NET1: variants seen among roughly 807,000 people sequenced by gnomAD.
NET1 encodes the protein neuroepithelial cell transforming 1.
NET1 carries 42 observed loss-of-function variants against 61.1 expected under a neutral mutation model. The ratio of observed to expected loss-of-function variants is 0.69; its 90% CI spans 0.54 to 0.89. The LOEUF (loss-of-function observed/expected upper bound fraction) is 0.89. Among genes scored for constraint, NET1 ranks in the 40% least tolerant of loss-of-function variants. NET1 has a pLI of 0.00. For synonymous variants in NET1, 254 were observed against 281.8 expected (o/e 0.90, Z 0.99); for missense variants, 654 against 747.3 (o/e 0.88, Z 1.46).
chr10:5,452,765 T>G lies in NET1; in HGVS notation c.532-93T>G. Reference sequence around the variant, plus strand: ...TTTCAGACTGAGTTACTTTTTAAAATGCCGTTCAAAACATCAAATAATGTA... The same window carrying G: ...TTTCAGACTGAGTTACTTTTTAAAAGGCCGTTCAAAACATCAAATAATGTA... On this transcript the variant is annotated intron_variant, in intron 5 of 11. Coordinates refer to ENST00000355029, the MANE Select transcript of NET1 (RefSeq NM_001047160.3). This position sits in a 1 kb window ranked among gnomAD's most constrained non-coding sequence, Gnocchi z 4.0. 1 of 1,192,852 alleles carries G rather than the reference T, an allele frequency of 8.4e-7. No individual in the cohort carries two copies. The highest frequency in any genetic ancestry group is 2.2e-5 in the Admixed American group (1 of 45,874). The allele number at this position is 1,192,852 out of a possible 1,614,324, so 73.9% of individuals were successfully genotyped here. A position where few individuals can be genotyped will look rare whatever the true frequency, so the allele number is the denominator to read the frequency against.
chr10:5,419,915 G>GT (rs1448191912), intron 1 of NET1, among the ~76,000 whole-genome samples: 10 of 151,924 alleles, frequency 6.6e-5, no homozygotes, highest in African/African-American at 9.7e-5. Context: ...AATAACAAGT[G>GT]TTTTTTTCTC....
chr10:5,437,668 AT>A lies in NET1; in HGVS notation c.255+8450del, dbSNP rs11294583. Among the ~76,000 whole-genome samples, 41,495 of 149,902 alleles carry A rather than the reference AT, an allele frequency of 0.28. 5,851 individuals are homozygous for A. The highest frequency in any genetic ancestry group is 0.29 in the Non-Finnish European group (19,614 of 67,350). On this transcript the variant is annotated intron_variant, in intron 3 of 11. Coordinates refer to ENST00000355029, the MANE Select transcript of NET1 (RefSeq NM_001047160.3). This position sits in a 1 kb window ranked among gnomAD's most constrained non-coding sequence, Gnocchi z 4.3. ...TTTTCAACTCTGTATTTTCCCTAGTATTTTTTTTTTTAACCAACTATTGGGA... is the reference window on the plus strand; with the variant it reads ...TTTTCAACTCTGTATTTTCCCTAGTATTTTTTTTTTAACCAACTATTGGGA...
chr10:5,426,605 T>C lies in NET1; in HGVS notation c.129-50T>C. On this transcript the variant is annotated intron_variant, in intron 1 of 11. Transcript: ENST00000355029. This position sits in a 1 kb window ranked among gnomAD's most constrained non-coding sequence, Gnocchi z 4.6. ...AGCTTTTTATCTGTTTGATGCTCTA[T>C]TATGCTAAAGTCAATCTCTTTATTT... is the stretch of plus-strand genomic sequence containing the variant. The C allele has an allele frequency of 7.0e-7, 1 of 1,424,636 alleles. No homozygotes were observed. The allele number at this position is 1,424,636 out of a possible 1,614,324, so 88.2% of individuals were successfully genotyped here.
chr10:5,448,163 T>C (rs906779640), intron 3 of NET1, among the ~76,000 whole-genome samples: 2 of 152,234 alleles, frequency 1.3e-5, no homozygotes, highest in South Asian at 2.1e-4. Flanking sequence ...CCCAAAGGAA[T>C]AGACCCAGGT....
rs1307735705 is a variant in NET1, at chr10:5,421,580, G to T, written c.129-5075G>T. On this transcript the variant is annotated intron_variant, in intron 1 of 11. Transcript: ENST00000355029. The surrounding 1 kb of genome is among the most constrained non-coding windows in gnomAD (Gnocchi z 4.2). ...TAGTAGTAGTTGCCAAAAATAAAAGGCATGCTCACAGAAGCTTGTAAGGCC... is the reference window on the plus strand; with the variant it reads ...TAGTAGTAGTTGCCAAAAATAAAAGTCATGCTCACAGAAGCTTGTAAGGCC... 6.6e-6 allele frequency among the ~76,000 whole-genome samples: 1 copy of T among 152,154 alleles called. No individual in the cohort carries two copies. The highest frequency in any genetic ancestry group is 6.5e-5 in the Admixed American group (1 of 15,268).
At position 5,451,768 on chromosome 10, in the gene NET1, A is replaced by G. The variant is rs1020892714; in HGVS notation, c.256-62A>G. 1.8e-5 allele frequency: 24 copies of G among 1,351,156 alleles called. No individual in the cohort carries two copies. The highest frequency in any genetic ancestry group is 1.8e-4 in the Middle Eastern group (1 of 5,488). 83.7% of individuals were successfully genotyped at this position (1,351,156 alleles called of 1,614,324 possible). A position where few individuals can be genotyped will look rare whatever the true frequency, so the allele number is the denominator to read the frequency against. On this transcript the variant is annotated intron_variant, in intron 3 of 11. Transcript: ENST00000355029. The surrounding 1 kb of genome is among the most constrained non-coding windows in gnomAD (Gnocchi z 6.1). ...TTTGTGAGAGGGCTTTACTTTGTCC[A>G]AGTTTGTATGAAATCATTGCACCTA...
chr10:5,431,725 A>C lies in NET1; in HGVS notation c.255+2496A>C, dbSNP rs1832353455. ...TTTTTTTTTCTCCTTAGTATTATGA[A>C]CTCATGCATATAAATACTTGTTTTA... On this transcript the variant is annotated intron_variant, in intron 3 of 11. Coordinates refer to ENST00000355029, the MANE Select transcript of NET1 (RefSeq NM_001047160.3). The surrounding 1 kb of genome is among the most constrained non-coding windows in gnomAD (Gnocchi z 4.9). Among the ~76,000 whole-genome samples, 1 of 151,308 alleles carries C rather than the reference A, an allele frequency of 6.6e-6. No individual in the cohort carries two copies. The highest frequency in any genetic ancestry group is 1.5e-5 in the Non-Finnish European group (1 of 67,792).
chr10:5,447,721 G>C lies in NET1; in HGVS notation c.256-4109G>C, dbSNP rs2119205307. On this transcript the variant is annotated intron_variant, in intron 3 of 11. Coordinates refer to ENST00000355029, the MANE Select transcript of NET1 (RefSeq NM_001047160.3). This position sits in a 1 kb window ranked among gnomAD's most constrained non-coding sequence, Gnocchi z 4.1. ...CACACACCTTTTGGTAGTTAAAATA[G>C]CTGCCGTCTTCAGGAAGTACACTTT... 6.6e-6 allele frequency among the ~76,000 whole-genome samples: 1 copy of C among 152,312 alleles called. No individual in the cohort carries two copies. Among genetic ancestry groups the C allele is most frequent in the Non-Finnish European group, 1.5e-5 (1 of 68,030 alleles).
chr10:5,429,255 A>G, intron 3 of NET1, 26 bp downstream of exon 3: 1 of 1,499,846 alleles, frequency 6.7e-7, no homozygotes, highest in Non-Finnish European at 9.2e-7. Flanking sequence ...CTGTTAAAGA[A>G]AAGCATTTAA....
chr10:5,453,476 C>G lies in NET1; in HGVS notation c.692-8C>G. The G allele has an allele frequency of 6.2e-7, 1 of 1,613,820 alleles. No homozygotes were observed. Among genetic ancestry groups the G allele is most frequent in the Non-Finnish European group, 8.5e-7 (1 of 1,179,754 alleles). On this transcript the variant is annotated splice_polypyrimidine_tract_variant and splice_region_variant and intron_variant, in intron 7 of 11. Coordinates refer to ENST00000355029, the MANE Select transcript of NET1 (RefSeq NM_001047160.3). The surrounding 1 kb of genome is among the most constrained non-coding windows in gnomAD (Gnocchi z 4.9). Reference sequence around the variant, plus strand: ...GTTAATGGTGTTTATGCTTTTTTATCACTTCAGATTTGTTGACAAGAATAG... The same window carrying G: ...GTTAATGGTGTTTATGCTTTTTTATGACTTCAGATTTGTTGACAAGAATAG...
chr10:5,442,914 C>A (rs952135192), intron 3 of NET1, among the ~76,000 whole-genome samples: 4 of 151,346 alleles, frequency 2.6e-5, no homozygotes, highest in Admixed American at 6.6e-5. Flanking sequence ...AAAAACTCTT[C>A]TAAACTTACA....
chr10:5,456,624 C>T lies in NET1; in HGVS notation c.1421C>T (p.Ser474Phe). Residue 474 changes from serine (S) to phenylalanine (F), a missense_variant, in exon 12 of 12, where the codon TCT (serine) becomes TTT (phenylalanine). Transcript: ENST00000355029. The surrounding 1 kb of genome is among the most constrained non-coding windows in gnomAD (Gnocchi z 7.0). ...NIFRIRFHDP[S>F]PAQSHTLQAN... ...TTTAGAATTCGCTTCCATGACCCCT[C>T]TCCAGCCCAGTCTCACACTCTGCAA... 2.5e-6 allele frequency: 4 copies of T among 1,572,056 alleles called. No homozygotes were observed. The highest frequency in any genetic ancestry group is 3.4e-6 in the Non-Finnish European group (4 of 1,160,100).
intron 3 of NET1, among the ~76,000 whole-genome samples, chr10:5,430,783 GT>G (rs1189063691): frequency 6.6e-6 from 1 of 151,262 alleles, no homozygotes; most frequent in African/African-American, 2.4e-5. Context: ...TTTTTGTGGG[GT>G]TTTTTGTTTG....
In NET1 at chr10:5,451,604, A is replaced by G. The variant is rs1384847659; in HGVS notation, c.256-226A>G. Among the ~76,000 whole-genome samples the G allele has an allele frequency of 6.6e-6, 1 of 151,436 alleles. No individual in the cohort carries two copies. The highest frequency in any genetic ancestry group is 2.4e-5 in the African/African-American group (1 of 41,194). ...TGTTTGAATTTTAATTTTTTCCCCT[A>G]TTGGAAATATTTGACTGGCCTTTCT... is the stretch of plus-strand genomic sequence containing the variant. On this transcript the variant is annotated intron_variant, in intron 3 of 11. Coordinates refer to ENST00000355029, the MANE Select transcript of NET1 (RefSeq NM_001047160.3). This position sits in a 1 kb window ranked among gnomAD's most constrained non-coding sequence, Gnocchi z 6.1.
chr10:5,456,109 A>G lies in NET1; in HGVS notation c.1220A>G (p.Gln407Arg), dbSNP rs746108427. 3.7e-6 allele frequency: 6 copies of G among 1,612,374 alleles called. No individual in the cohort carries two copies. In the African/African-American group the frequency reaches 6.7e-5, roughly 18 times the overall value. ...CAGAAACTTTACATTTTCCTGTTTC[A>G]AGACATCTTGGTTCTGACTCGGCCC... The part of the protein sequence containing the change: ...SGHKLYIFLF[Q>R]DILVLTRPVT... Residue 407 changes from glutamine to arginine, a missense_variant, in exon 11 of 12, where the codon CAA (glutamine) becomes CGA (arginine). Gln to Arg is a conservative substitution (Grantham distance 43, BLOSUM62 1). Coordinates refer to ENST00000355029, the MANE Select transcript of NET1 (RefSeq NM_001047160.3). The surrounding 1 kb of genome is among the most constrained non-coding windows in gnomAD (Gnocchi z 7.0).
In NET1 at chr10:5,451,684, G is replaced by T; in HGVS notation, c.256-146G>T. The stretch of plus-strand genomic sequence containing the variant: ...TACTCAATAGAGTTCTTATTGTTTT[G>T]ACAATGAAGAACAACTCTTACTTTC... On this transcript the variant is annotated intron_variant, in intron 3 of 11. Coordinates refer to ENST00000355029, the MANE Select transcript of NET1 (RefSeq NM_001047160.3). This position sits in a 1 kb window ranked among gnomAD's most constrained non-coding sequence, Gnocchi z 6.1. The T allele has an allele frequency of 1.9e-6, 1 of 531,212 alleles. No homozygotes were observed. 32.9% of individuals were successfully genotyped at this position (531,212 alleles called of 1,614,324 possible).
At position 5,417,132 on chromosome 10, in the gene NET1, G is replaced by T. The variant is rs538360752; in HGVS notation, c.128+4312G>T. Among the ~76,000 whole-genome samples the T allele has an allele frequency of 6.6e-6, 1 of 151,242 alleles. No homozygotes were observed. Among genetic ancestry groups the T allele is most frequent in the South Asian group, 2.1e-4 (1 of 4,692 alleles). On this transcript the variant is annotated intron_variant, in intron 1 of 11. Transcript: ENST00000355029. This position sits in a 1 kb window ranked among gnomAD's most constrained non-coding sequence, Gnocchi z 5.5. The stretch of plus-strand genomic sequence containing the variant: ...TCCAACCTCCCTGGCCAAGCTCTGC[G>T]TCATTCTGCGAATCGATGGCCTGCC...
At chr10:5,419,649 A>G (rs1050906691) in intron 1 of NET1, among the ~76,000 whole-genome samples, 3 of 150,364 alleles carry the variant, frequency 2.0e-5, no homozygotes, top group Admixed American at 6.6e-5. Flanking sequence ...TTCTTATGGT[A>G]TTTCTTGTAA....
intron 3 of NET1, among the ~76,000 whole-genome samples, chr10:5,433,585 G>A (rs1588429911): frequency 6.6e-6 from 1 of 152,084 alleles, no homozygotes; most frequent in South Asian, 2.1e-4. Context: ...TCATTTGGAC[G>A]GATATGAAAC....
Sources: allele counts gnomAD v4.1 joint callset (sites outside exome capture counted in the v4.1 genomes callset), GRCh38; gene constraint gnomAD v4.1.1; non-coding constraint Gnocchi (gnomAD v3.1); transcripts MANE v1.5; gene names NCBI Gene and HGNC (gene_info 2026-07-23, HGNC 2026-07-21).